GPC6: variants seen among roughly 807,000 people sequenced by gnomAD.
GPC6 encodes the protein glypican 6, also known as glypican-6.
Under a neutral mutation model 55.2 loss-of-function variants are expected in GPC6, and 14 were observed. That is an observed-to-expected ratio of 0.25 (90% CI 0.17 to 0.40). The LOEUF (loss-of-function observed/expected upper bound fraction) is 0.40, where lower values mean the gene tolerates loss of function less well. Ranked by LOEUF, GPC6 falls within the 10% of genes least tolerant of loss-of-function variation. GPC6 has a pLI of 1.00. For missense variants in GPC6, 641 were observed against 708.5 expected, an observed-to-expected ratio of 0.90 and a Z score of 1.08; for synonymous variants, 278 against 259.6, an observed-to-expected ratio of 1.07 and a Z score of -0.68.
chr13:93,716,533 A>G (rs1883260210), intron 2 of GPC6, among the ~76,000 whole-genome samples: 1 of 151,690 alleles, frequency 6.6e-6, no homozygotes, highest in South Asian at 2.1e-4. Context: ...AAAAAAGGAT[A>G]TAGAGTTGGG....
chr13:94,185,933 C>T (rs188627265), intron 4 of GPC6, among the ~76,000 whole-genome samples: 3 of 151,278 alleles, frequency 2.0e-5, no homozygotes, highest in Non-Finnish European at 4.4e-5. Flanking sequence ...GGTGGCAGGC[C>T]CCTGTAGTCC....
intron 4 of GPC6, among the ~76,000 whole-genome samples, chr13:94,216,746 G>A (rs1201847806): frequency 6.6e-6 from 1 of 152,166 alleles, no homozygotes; most frequent in Non-Finnish European, 1.5e-5. Flanking sequence ...CATAAACTGT[G>A]ATAAGACCAG....
At chr13:93,898,223 A>C (rs1449971104) in intron 3 of GPC6, among the ~76,000 whole-genome samples, 2 of 152,112 alleles carry the variant, frequency 1.3e-5, no homozygotes, top group Non-Finnish European at 2.9e-5. Context: ...CCATTTATTC[A>C]TTCGGCCATC....
At chr13:93,362,369 T>C (rs2139179019) in intron 1 of GPC6, among the ~76,000 whole-genome samples, 1 of 152,278 alleles carries the variant, frequency 6.6e-6, no homozygotes, top group Non-Finnish European at 1.5e-5. Flanking sequence ...CTCCTTACAG[T>C]ATTAGTACCC....
chr13:94,291,697 CTTTTT>C (rs58413609), intron 5 of GPC6, among the ~76,000 whole-genome samples: 1 of 135,864 alleles, frequency 7.4e-6, no homozygotes, highest in Non-Finnish European at 1.6e-5. Flanking sequence ...TTGAATTTAT[CTTTTT>C]TTTTTTTTTT....
At chr13:94,114,739 C>T (rs1886373926) in intron 4 of GPC6, among the ~76,000 whole-genome samples, 1 of 151,996 alleles carries the variant, frequency 6.6e-6, no homozygotes, top group African/African-American at 2.4e-5. Flanking sequence ...AAAGATAAGA[C>T]CAAGAACCAA....
At chr13:93,383,172 C>G (rs949862759) in intron 1 of GPC6, among the ~76,000 whole-genome samples, 1 of 152,126 alleles carries the variant, frequency 6.6e-6, no homozygotes, top group South Asian at 2.1e-4. Context: ...CATTTGATAC[C>G]TCCCTAACAT....
intron 3 of GPC6, among the ~76,000 whole-genome samples, chr13:93,946,514 A>G (rs560665982): frequency 6.6e-6 from 1 of 152,252 alleles, no homozygotes; most frequent in Admixed American, 6.5e-5. Flanking sequence ...CAAGCTTACA[A>G]AATTCATGAA....
At chr13:93,995,354 A>T (rs1385813972) in intron 3 of GPC6, among the ~76,000 whole-genome samples, 1 of 151,752 alleles carries the variant, frequency 6.6e-6, no homozygotes, top group African/African-American at 2.4e-5. Context: ...CACCCAGGTA[A>T]TTTTTGTATT....
At chr13:93,593,965 A>G (rs1877607511) in intron 2 of GPC6, among the ~76,000 whole-genome samples, 1 of 152,166 alleles carries the variant, frequency 6.6e-6, no homozygotes, top group Non-Finnish European at 1.5e-5. Flanking sequence ...TTAGGCTACC[A>G]TTCATATAAA....
At chr13:93,511,930 T>C (rs575995668) in intron 1 of GPC6, among the ~76,000 whole-genome samples, 2 of 152,068 alleles carry the variant, frequency 1.3e-5, no homozygotes, top group Non-Finnish European at 2.9e-5. Context: ...TTTGTTTGTT[T>C]GTTTTTGTAG....
intron 4 of GPC6, among the ~76,000 whole-genome samples, chr13:94,248,971 G>A (rs947519978): frequency 1.3e-5 from 2 of 152,018 alleles, no homozygotes; most frequent in African/African-American, 4.8e-5. Flanking sequence ...AAAATTAACC[G>A]CTGCATATTT....
At chr13:93,341,653 G>C (rs1485165910) in intron 1 of GPC6, among the ~76,000 whole-genome samples, 1 of 148,364 alleles carries the variant, frequency 6.7e-6, no homozygotes, top group East Asian at 1.9e-4. Context: ...CTAGTCCTTT[G>C]TCAGATGCAT....
chr13:93,924,410 G>T (rs555557077), intron 3 of GPC6, among the ~76,000 whole-genome samples: 1 of 152,290 alleles, frequency 6.6e-6, no homozygotes, highest in South Asian at 2.1e-4. Flanking sequence ...TGTTTATGGT[G>T]TTTTAACAAA....
At chr13:93,486,039 G>A (rs894243703) in intron 1 of GPC6, among the ~76,000 whole-genome samples, 7 of 152,116 alleles carry the variant, frequency 4.6e-5, no homozygotes, top group Admixed American at 2.6e-4. Context: ...CATAAAAGGC[G>A]GAGAAAATAA....
intron 2 of GPC6, among the ~76,000 whole-genome samples, chr13:93,811,570 A>G (rs1886695712): frequency 6.7e-6 from 1 of 149,994 alleles, no homozygotes; most frequent in South Asian, 2.1e-4. Context: ...CATTCCCCAC[A>G]AGCTTGACTG....
At chr13:94,007,619 C>T (rs896626279) in intron 3 of GPC6, among the ~76,000 whole-genome samples, 1 of 152,100 alleles carries the variant, frequency 6.6e-6, no homozygotes, top group Non-Finnish European at 1.5e-5. Context: ...GTCCTTTTCC[C>T]CCTTTAAGTC....
At chr13:93,470,521 AAT>A (rs1011909317) in intron 1 of GPC6, among the ~76,000 whole-genome samples, 55 of 152,150 alleles carry the variant, frequency 3.6e-4, no homozygotes, top group African/African-American at 1.3e-3. Context: ...TCGATTTGCA[AAT>A]ATGGTTTTGA....
At chr13:94,302,257 A>C (rs1252173028) in intron 5 of GPC6, among the ~76,000 whole-genome samples, 1 of 152,220 alleles carries the variant, frequency 6.6e-6, no homozygotes, top group Non-Finnish European at 1.5e-5. Flanking sequence ...AGGCTTTAGC[A>C]GATTTGATGT....
Sources: allele counts gnomAD v4.1 joint callset (sites outside exome capture counted in the v4.1 genomes callset), GRCh38; gene constraint gnomAD v4.1.1; transcripts MANE v1.5; gene names NCBI Gene and HGNC (gene_info 2026-07-23, HGNC 2026-07-21).